PIN1: variants seen among roughly 807,000 people sequenced by gnomAD.
PIN1 encodes the protein peptidylprolyl cis/trans isomerase, NIMA-interacting 1, also known as peptidyl-prolyl cis-trans isomerase NIMA-interacting 1.
A neutral mutation model predicts 19.9 loss-of-function variants in PIN1; 8 were observed. The ratio of observed to expected loss-of-function variants is 0.40; its 90% CI spans 0.24 to 0.72. PIN1 has a LOEUF of 0.72. PIN1 is among the 30% of genes least tolerant of loss of function. The pLI, the probability that PIN1 is intolerant of heterozygous loss-of-function variation, is 0.37. For missense variants in PIN1, 185 were observed against 226.5 expected (o/e 0.82, Z 1.18); for synonymous variants, 86 against 90.8 (o/e 0.95, Z 0.30).
rs11540414 is a variant in PIN1 at position 9,849,361 on chromosome 19, G to A, written c.*162G>A. The A allele has an allele frequency of 1.4e-6, 1 of 712,948 alleles. No homozygotes were observed. The highest frequency in any genetic ancestry group is 2.5e-6 in the Non-Finnish European group (1 of 393,298). 44.2% of individuals were successfully genotyped at this position (712,948 alleles called of 1,614,324 possible). On this transcript the variant is annotated 3_prime_UTR_variant, in exon 4 of 4. Transcript: ENST00000247970. ...GGGAGGGGGCCCTTCCAGATTGGGG[G>A]CCCTGGGGTCCCCACTCCCTGTCCA...
At chr19:9,844,691 C>T (rs901951097) in intron 2 of PIN1, among the ~76,000 whole-genome samples, 3 of 152,140 alleles carry the variant, frequency 2.0e-5, no homozygotes, top group African/African-American at 7.2e-5. Flanking sequence ...CAGGTTTTGG[C>T]GCCGTCGGGC....
intron 2 of PIN1, among the ~76,000 whole-genome samples, chr19:9,843,699 C>T (rs1342948081): frequency 1.3e-5 from 2 of 152,146 alleles, no homozygotes; most frequent in Non-Finnish European, 2.9e-5. Context: ...ATGGCATTCC[C>T]CAGGCGCATG....
intron 2 of PIN1, among the ~76,000 whole-genome samples, chr19:9,840,456 C>T (rs867189244): frequency 1.8e-4 from 27 of 152,338 alleles, no homozygotes; most frequent in Middle Eastern, 3.4e-3. Flanking sequence ...TGATGCCTTT[C>T]TCAGAGTCCC....
At chr19:9,839,428 A>G (rs1408968355) in intron 2 of PIN1, among the ~76,000 whole-genome samples, 1 of 151,820 alleles carries the variant, frequency 6.6e-6, no homozygotes, top group African/African-American at 2.4e-5. Flanking sequence ...AAAAAAAAAA[A>G]AAAAAGAGGT....
In PIN1 at chr19:9,838,565, A is replaced by G. The variant is rs1242080561; in HGVS notation, c.188A>G (p.Lys63Arg). 7 of 1,578,122 alleles carry G rather than the reference A, an allele frequency of 4.4e-6. No homozygotes were observed. The highest frequency in any genetic ancestry group is 6.0e-6 in the Non-Finnish European group (7 of 1,163,074). The change falls in exon 2 of 4, where the codon AAG (lysine) becomes AGG (arginine). Residue 63 changes from lysine to arginine, a missense_variant. Physicochemically the swap from Lys to Arg is conservative, Grantham distance 26 (BLOSUM62 2). Coordinates refer to ENST00000247970, the MANE Select transcript of PIN1 (RefSeq NM_006221.4). This position sits in a 1 kb window ranked among gnomAD's most constrained non-coding sequence, Gnocchi z 5.8. ...GTCCGCTGCTCGCACCTGCTGGTGA[A>G]GCACAGCCAGTCACGGCGGCCCTCG... Reference protein sequence around the residue: ...ARVRCSHLLVKHSQSRRPSSW... With the variant: ...ARVRCSHLLVRHSQSRRPSSW...
chr19:9,835,438 G>T, intron 1 of PIN1, 36 bp downstream of exon 1: 1 of 1,400,550 alleles, frequency 7.1e-7, no homozygotes. Context: ...GGGACTGCGC[G>T]GGCCCGCGTA....
In PIN1 at chr19:9,838,226, C is replaced by T. The variant is rs2046129264; in HGVS notation, c.59-210C>T. ...CTTGTTTAGCACCTGTCTGCTCTCA[C>T]CTAGAATGTTAGCTCTCTAAGGGCA... On this transcript the variant is annotated intron_variant, in intron 1 of 3. Transcript: ENST00000247970. This position sits in a 1 kb window ranked among gnomAD's most constrained non-coding sequence, Gnocchi z 5.8. 1.6e-6 allele frequency: 1 copy of T among 632,708 alleles called. No homozygotes were observed. The highest frequency in any genetic ancestry group is 1.8e-5 in the African/African-American group (1 of 55,022). 39.2% of individuals were successfully genotyped at this position (632,708 alleles called of 1,614,324 possible).
rs148549769 is a variant in PIN1 at position 9,836,992 on chromosome 19, CTTATTA to C, written c.59-1438_59-1433del. 75 of 520,206 alleles carry C rather than the reference CTTATTA, an allele frequency of 1.4e-4. 1 individual carries two copies. In the East Asian group the frequency reaches 5.2e-3, roughly 36 times the overall value. The allele number at this position is 520,206 out of a possible 1,614,324, so 32.2% of individuals were successfully genotyped here. A position where few individuals can be genotyped will look rare whatever the true frequency, so the allele number is the denominator to read the frequency against. On this transcript the variant is annotated intron_variant, in intron 1 of 3. Coordinates refer to ENST00000247970, the MANE Select transcript of PIN1 (RefSeq NM_006221.4). ...GATGTGTGAGCTTATTTAGTGCTTT[CTTATTA>C]TTATTTTTGGAGATGGTCTCACTGT...
intron 2 of PIN1, among the ~76,000 whole-genome samples, chr19:9,841,793 T>C (rs1278595297): frequency 6.6e-6 from 1 of 152,128 alleles, no homozygotes; most frequent in Non-Finnish European, 1.5e-5. Context: ...GCTCTAGTGG[T>C]CTCTGTTCTG....
At position 9,838,402 on chromosome 19, in the gene PIN1, C is replaced by G. The variant is rs952231553; in HGVS notation, c.59-34C>G. 10 of 1,549,836 alleles carry G rather than the reference C, an allele frequency of 6.5e-6. No homozygotes were observed. Among genetic ancestry groups the G allele is most frequent in the Non-Finnish European group, 8.8e-6 (10 of 1,139,272 alleles). On this transcript the variant is annotated intron_variant, in intron 1 of 3. Coordinates refer to ENST00000247970, the MANE Select transcript of PIN1 (RefSeq NM_006221.4). This position sits in a 1 kb window ranked among gnomAD's most constrained non-coding sequence, Gnocchi z 5.8. Reference sequence around the variant, plus strand: ...GCCCAGGGGTGTCCTGGGAGCACAACCCTAGCTGAATTCCTGCCTGCCCTC... The same window carrying G: ...GCCCAGGGGTGTCCTGGGAGCACAAGCCTAGCTGAATTCCTGCCTGCCCTC...
At chr19:9,844,384 A>C (rs2046198728) in intron 2 of PIN1, among the ~76,000 whole-genome samples, 2 of 152,216 alleles carry the variant, frequency 1.3e-5, no homozygotes, top group Admixed American at 6.5e-5. Context: ...CTCATTGTTC[A>C]GGAGCAGCAG....
In PIN1 at chr19:9,838,698, G is replaced by T; in HGVS notation, c.271+50G>T. ...TGGGAGGGGGTCTTCTCCCAGGTGA[G>T]CCTTTGTAGAAGTCACATCAGACCC... is the stretch of plus-strand genomic sequence containing the variant. On this transcript the variant is annotated intron_variant, in intron 2 of 3. Coordinates refer to ENST00000247970, the MANE Select transcript of PIN1 (RefSeq NM_006221.4). The surrounding 1 kb of genome is among the most constrained non-coding windows in gnomAD (Gnocchi z 5.8). The T allele has an allele frequency of 7.0e-7, 1 of 1,430,000 alleles. No homozygotes were observed. 88.6% of individuals were successfully genotyped at this position (1,430,000 alleles called of 1,614,324 possible).
At chr19:9,839,009 G>A (rs1309550078) in intron 2 of PIN1, among the ~76,000 whole-genome samples, 2 of 152,172 alleles carry the variant, frequency 1.3e-5, no homozygotes, top group South Asian at 2.1e-4. Context: ...CATTGTGAAG[G>A]TTCAAGGGAA....
chr19:9,849,191 A>G lies in PIN1; in HGVS notation c.484A>G (p.Thr162Ala). The change falls in exon 4 of 4, where the codon ACT becomes GCT. Residue 162 changes from threonine to alanine, a missense_variant. Coordinates refer to ENST00000247970, the MANE Select transcript of PIN1 (RefSeq NM_006221.4). ...TDSGIHIILR[T>A]E ...TTCCGGCATCCACATCATCCTCCGCACTGAGTGAGGGTGGGGAGCCCAGGC... is the reference window on the plus strand; with the variant it reads ...TTCCGGCATCCACATCATCCTCCGCGCTGAGTGAGGGTGGGGAGCCCAGGC... 3 of 1,607,850 alleles carry G rather than the reference A, an allele frequency of 1.9e-6. No individual in the cohort carries two copies. The highest frequency in any genetic ancestry group is 2.6e-6 in the Non-Finnish European group (3 of 1,175,686).
rs748768881 is a variant in PIN1 at position 9,849,565 on chromosome 19, T to G, written c.*366T>G. 1.7e-6 allele frequency: 1 copy of G among 577,798 alleles called. No individual in the cohort carries two copies. The highest frequency in any genetic ancestry group is 3.4e-6 in the Non-Finnish European group (1 of 298,430). 35.8% of individuals were successfully genotyped at this position (577,798 alleles called of 1,614,324 possible). The stretch of plus-strand genomic sequence containing the variant: ...AGGCAGACTCGAGGGCCGAATTGTT[T>G]CTAGTTAGGCCACGCTCCTCTGTTC... On this transcript the variant is annotated 3_prime_UTR_variant, in exon 4 of 4. Coordinates refer to ENST00000247970, the MANE Select transcript of PIN1 (RefSeq NM_006221.4).
chr19:9,847,995 T>C (rs1361109830), intron 2 of PIN1, 35 bp from the exon 3 acceptor site: 1 of 1,378,000 alleles, frequency 7.3e-7, no homozygotes, highest in Non-Finnish European at 1.0e-6. Flanking sequence ...CCCCAACCCC[T>C]GACCTGGCAC....
chr19:9,839,854 G>T (rs2046147081), intron 2 of PIN1, among the ~76,000 whole-genome samples: 1 of 152,044 alleles, frequency 6.6e-6, no homozygotes, highest in Non-Finnish European at 1.5e-5. Context: ...AAAAAAATTA[G>T]CTGGACATGG....
In PIN1 at chr19:9,835,436, G is replaced by T. The variant is rs1396092402; in HGVS notation, c.58+34G>T. ...GGGGTCGGGGCTGGGGCGGGACTGCGCGGGCCCGCGTAAGCAGGGCTCGAG... is the reference window on the plus strand; with the variant it reads ...GGGGTCGGGGCTGGGGCGGGACTGCTCGGGCCCGCGTAAGCAGGGCTCGAG... On this transcript the variant is annotated intron_variant, in intron 1 of 3. Coordinates refer to ENST00000247970, the MANE Select transcript of PIN1 (RefSeq NM_006221.4). 6.4e-6 allele frequency: 9 copies of T among 1,407,732 alleles called. No homozygotes were observed. In the South Asian group the frequency reaches 1.3e-4, roughly 20 times the overall value. The allele number at this position is 1,407,732 out of a possible 1,614,324, so 87.2% of individuals were successfully genotyped here.
intron 2 of PIN1, among the ~76,000 whole-genome samples, chr19:9,843,516 A>G (rs936298374): frequency 1.3e-5 from 2 of 152,256 alleles, no homozygotes; most frequent in Non-Finnish European, 2.9e-5. Context: ...ACTGATGTGC[A>G]TTAGCTTGGA....
Sources: gnomAD v4.1 joint callset for allele counts (sites outside exome capture counted in the v4.1 genomes callset) on GRCh38, gnomAD v4.1.1 for gene constraint, Gnocchi (gnomAD v3.1) non-coding constraint, MANE v1.5 for transcripts, NCBI Gene and HGNC (gene_info 2026-07-23, HGNC 2026-07-21) for gene names.